Variants in CACNA1C observed in about 807,000 individuals in gnomAD.
CACNA1C encodes the protein calcium voltage-gated channel subunit alpha1 C, also known as voltage-dependent L-type calcium channel subunit alpha-1C.
A neutral mutation model predicts 229.0 loss-of-function variants in CACNA1C; 30 were observed. That is an observed-to-expected ratio of 0.13 (90% CI 0.10 to 0.18). The LOEUF (loss-of-function observed/expected upper bound fraction) is 0.18, where lower values mean the gene tolerates loss of function less well. CACNA1C is among the 10% of genes least tolerant of loss of function. CACNA1C has a pLI of 1.00. For missense variants in CACNA1C, 1,658 were observed against 2,845.0 expected, an observed-to-expected ratio of 0.58 and a Z score of 9.49; for synonymous variants, 1,114 against 1,132.5, an observed-to-expected ratio of 0.98 and a Z score of 0.33.
intron 1 of CACNA1C, among the ~76,000 whole-genome samples, chr12:2,099,053 T>G (rs974289238): frequency 6.6e-6 from 1 of 152,236 alleles, no homozygotes; most frequent in Admixed American, 6.5e-5. Context: ...CCCTGGAACC[T>G]GGTTCTGAGG....
intron 3 of CACNA1C, among the ~76,000 whole-genome samples, chr12:2,140,125 C>T (rs1013599721): frequency 5.9e-5 from 9 of 151,282 alleles, no homozygotes; most frequent in African/African-American, 1.2e-4. Context: ...ACTGCCCATA[C>T]GGCTGTGTGT....
At chr12:2,338,809 A>G (rs2096778217) in intron 3 of CACNA1C, among the ~76,000 whole-genome samples, 1 of 152,134 alleles carries the variant, frequency 6.6e-6, no homozygotes, top group African/African-American at 2.4e-5. Context: ...GCCCAAGGAA[A>G]TGAAGGGAAC....
At chr12:2,656,826 G>A (rs571887584) in intron 34 of CACNA1C, among the ~76,000 whole-genome samples, 3 of 152,236 alleles carry the variant, frequency 2.0e-5, no homozygotes, top group Admixed American at 2.0e-4. Flanking sequence ...AACACACAGT[G>A]GAGAAAGAAC....
chr12:2,366,237 T>C (rs11062204), intron 3 of CACNA1C, among the ~76,000 whole-genome samples: 68,388 of 152,058 alleles, frequency 0.45, 15,696 homozygotes, highest in African/African-American at 0.51. Context: ...TGAACTTCAC[T>C]GAACAGGTGT....
At chr12:2,018,590 C>T (rs2045834796) in intron 1 of CACNA1C, among the ~76,000 whole-genome samples, 1 of 152,184 alleles carries the variant, frequency 6.6e-6, no homozygotes, top group Admixed American at 6.5e-5. Flanking sequence ...CTTCCTCCAT[C>T]AGCTGAGATG....
chr12:2,648,435 A>G (rs763004433), intron 30 of CACNA1C, 40 bp from the exon 31 acceptor site: 5 of 1,600,006 alleles, frequency 3.1e-6, no homozygotes, highest in East Asian at 4.5e-5. Flanking sequence ...TCTTCATGGG[A>G]GACTCATTAC....
At chr12:2,664,020 G>A (rs1197810484) in intron 34 of CACNA1C, among the ~76,000 whole-genome samples, 2 of 152,248 alleles carry the variant, frequency 1.3e-5, no homozygotes, top group Admixed American at 6.5e-5. Context: ...GATTACAGGC[G>A]TGAGCCACCG....
chr12:2,341,086 C>G (rs1460369976), intron 3 of CACNA1C, among the ~76,000 whole-genome samples: 4 of 152,216 alleles, frequency 2.6e-5, no homozygotes, highest in Non-Finnish European at 5.9e-5. Flanking sequence ...AGCCCTGGTC[C>G]AGGCCTGGAT....
intron 3 of CACNA1C, among the ~76,000 whole-genome samples, chr12:2,407,192 C>G (rs1333116020): frequency 1.3e-5 from 2 of 152,276 alleles, no homozygotes; most frequent in African/African-American, 2.4e-5. Flanking sequence ...TCTGACACCA[C>G]TTCGGCAGGG....
chr12:2,327,684 A>G (rs1276303025), intron 3 of CACNA1C, among the ~76,000 whole-genome samples: 14 of 152,212 alleles, frequency 9.2e-5, no homozygotes, highest in Admixed American at 7.2e-4. Flanking sequence ...ACAAATGACT[A>G]GGAAATGGAT....
rs1767842814 is a variant in CACNA1C at position 2,504,615 on chromosome 12, G to A, written c.1114-227G>A. 2.2e-6 allele frequency: 2 copies of A among 909,348 alleles called. No homozygotes were observed. The highest frequency in any genetic ancestry group is 1.8e-5 in the Admixed American group (1 of 56,974). 56.3% of individuals were successfully genotyped at this position (909,348 alleles called of 1,614,324 possible). A position where few individuals can be genotyped will look rare whatever the true frequency, so the allele number is the denominator to read the frequency against. On this transcript the variant is annotated intron_variant, in intron 7 of 46. Coordinates refer to ENST00000399655, the MANE Select transcript of CACNA1C (RefSeq NM_000719.7). The surrounding 1 kb of genome is among the most constrained non-coding windows in gnomAD (Gnocchi z 6.8). ...CAGGTTCCACTCCGTACATGCCCGG[G>A]GTCCTCAGGGATGGGACCCTGACAG...
rs2097846356 is a variant in CACNA1C, at chr12:2,696,904, C to A, written c.*5705C>A. 1 of 152,216 alleles carries A rather than the reference C, an allele frequency of 6.6e-6. No individual in the cohort carries two copies. 9.4% of individuals were successfully genotyped at this position (152,216 alleles called of 1,614,324 possible). A position where few individuals can be genotyped will look rare whatever the true frequency, so the allele number is the denominator to read the frequency against. Reference sequence around the variant, plus strand: ...TGGCCAGGAGAAAAGAGAAGTCTCTCCTGTAGAGTCACAAGAGAAGCAAAA... The same window carrying A: ...TGGCCAGGAGAAAAGAGAAGTCTCTACTGTAGAGTCACAAGAGAAGCAAAA... On this transcript the variant is annotated 3_prime_UTR_variant, in exon 47 of 47. Transcript: ENST00000399655.
intron 4 of CACNA1C, among the ~76,000 whole-genome samples, chr12:2,452,944 G>A (rs2099391767): frequency 6.6e-6 from 1 of 152,174 alleles, no homozygotes; most frequent in African/African-American, 2.4e-5. Flanking sequence ...CCCTTGTGGA[G>A]AAAGAAGCCC....
At chr12:2,382,139 C>T (rs1026096755) in intron 3 of CACNA1C, among the ~76,000 whole-genome samples, 9 of 152,190 alleles carry the variant, frequency 5.9e-5, no homozygotes, top group Non-Finnish European at 1.0e-4. Flanking sequence ...GGCTTCTAGC[C>T]GAAATTTCTC....
At chr12:2,071,137 C>T (rs1374372335) in intron 1 of CACNA1C, among the ~76,000 whole-genome samples, 1 of 38,590 alleles carries the variant, frequency 2.6e-5, no homozygotes, top group African/African-American at 1.1e-4. Flanking sequence ...TCCCGCTTCC[C>T]CCTCCTCCCT....
At chr12:2,208,432 GA>G (rs2097821309) in intron 3 of CACNA1C, among the ~76,000 whole-genome samples, 1 of 152,236 alleles carries the variant, frequency 6.6e-6, no homozygotes, top group African/African-American at 2.4e-5. Context: ...GCAAGGTCTT[GA>G]TGAGGGCTGC....
At chr12:2,437,844 TGGTGATGA>T (rs2099154008) in intron 3 of CACNA1C, among the ~76,000 whole-genome samples, 1 of 92,742 alleles carries the variant, frequency 1.1e-5, no homozygotes, top group Non-Finnish European at 2.8e-5. Context: ...GTAATGATGG[TGGTGATGA>T]TGGTGGTGAT....
chr12:2,370,692 G>A (rs2097844017), intron 3 of CACNA1C, among the ~76,000 whole-genome samples: 1 of 152,140 alleles, frequency 6.6e-6, no homozygotes, highest in Non-Finnish European at 1.5e-5. Flanking sequence ...CAAAACTAAT[G>A]AGATAAATTT....
At chr12:2,110,936 T>TACCTGTGTCACCCGAGAGGCCAC (rs1565755681) in intron 1 of CACNA1C, among the ~76,000 whole-genome samples, 21 of 97,794 alleles carry the variant, frequency 2.1e-4, no homozygotes, top group African/African-American at 7.5e-4. Flanking sequence ...CGAGAGGCCA[T>TACCTGTGTCACCCGAGAGGCCAC]ACCTGTCTCA....
Sources: gnomAD v4.1 joint callset for allele counts (sites outside exome capture counted in the v4.1 genomes callset) on GRCh38, gnomAD v4.1.1 for gene constraint, Gnocchi (gnomAD v3.1) non-coding constraint, MANE v1.5 for transcripts, NCBI Gene and HGNC (gene_info 2026-07-23, HGNC 2026-07-21) for gene names.